The following CDKN2A variants were observed in gnomAD, a reference collection of about 807,000 sequenced individuals.
CDKN2A encodes cyclin dependent kinase inhibitor 2A, also known as cyclin-dependent kinase inhibitor 2A.
A neutral mutation model predicts 11.1 loss-of-function variants in CDKN2A; 3 were observed. That is an observed-to-expected ratio of 0.27 (90% CI 0.12 to 0.70). The LOEUF is 0.70. Ranked by LOEUF, CDKN2A falls within the 30% of genes least tolerant of loss-of-function variation. CDKN2A has a pLI of 0.77. For missense variants in CDKN2A, 265 were observed against 233.6 expected (o/e 1.13, Z -0.88); for synonymous variants, 122 against 108.1 (o/e 1.13, Z -0.80).
intron 1 of CDKN2A, among the ~76,000 whole-genome samples, chr9:21,973,636 A>G (rs915923513): frequency 1.3e-5 from 2 of 152,202 alleles, no homozygotes; most frequent in African/African-American, 4.8e-5. Context: ...GAGAGGAGAA[A>G]CACCTCTGTT....
rs745612549 is a variant in CDKN2A, at chr9:21,974,790, G to C, written c.38C>G (p.Ala13Gly). 6.2e-7 allele frequency: 1 copy of C among 1,607,460 alleles called. No individual in the cohort carries two copies. The highest frequency in any genetic ancestry group is 2.2e-5 in the East Asian group (1 of 44,838). The part of the protein sequence containing the change: ...PAAGSSMEPS[A>G]DWLATAAARG... ...GGCCGCGGCCGTGGCCAGCCAGTCA[G>C]CCGAAGGCTCCATGCTGCTCCCCGC... The change falls in exon 1 of 3, where the codon GCT (alanine) becomes GGT (glycine). Residue 13 changes from alanine to glycine, a missense_variant. Coordinates refer to ENST00000304494, the MANE Select transcript of CDKN2A (RefSeq NM_000077.5). This position sits in a 1 kb window ranked among gnomAD's most constrained non-coding sequence, Gnocchi z 5.2.
chr9:21,970,845 A>C (rs779444513), intron 2 of CDKN2A, 57 bp downstream of exon 2: 4 of 1,591,894 alleles, frequency 2.5e-6, no homozygotes, highest in Non-Finnish European at 3.4e-6. Flanking sequence ...CTGGAAAATG[A>C]ATGCTCTGAG....
rs200738474 is a variant in CDKN2A at position 21,974,681 on chromosome 9, G to T, written c.147C>A (p.Ile49=). Residue 49 remains isoleucine (I), a synonymous_variant, in exon 1 of 3, where the codon ATC becomes ATA. Coordinates refer to ENST00000304494, the MANE Select transcript of CDKN2A (RefSeq NM_000077.5). This position sits in a 1 kb window ranked among gnomAD's most constrained non-coding sequence, Gnocchi z 5.2. ...NAPNSYGRRP[I]QVMMMGSARV... is the part of the protein sequence containing the mutation. ...CCGCTGCAGACCCTCTACCCACCTG[G>T]ATCGGCCTCCGACCGTAACTATTCG... The T allele has an allele frequency of 4.8e-5, 77 of 1,613,900 alleles. No individual in the cohort carries two copies. Among genetic ancestry groups the T allele is most frequent in the Non-Finnish European group, 6.5e-5 (77 of 1,180,016 alleles).
At chr9:21,984,621 T>C (rs919860215) in intron 2 of CDKN2A, among the ~76,000 whole-genome samples, 54 of 152,164 alleles carry the variant, frequency 3.5e-4, no homozygotes, top group African/African-American at 1.3e-3. Context: ...TGAGATAATG[T>C]TGAAAGTCAC....
At chr9:21,994,695 C>A (rs2131150668) in intron 1 of CDKN2A, 1 of 272,472 alleles carries the variant, frequency 3.7e-6, no homozygotes, top group Non-Finnish European at 6.9e-6. Context: ...TGCGCCCCCA[C>A]CCCCACCACC....
At chr9:21,986,214 C>A (rs1177338706) in intron 2 of CDKN2A, among the ~76,000 whole-genome samples, 1 of 152,056 alleles carries the variant, frequency 6.6e-6, no homozygotes. Flanking sequence ...AATCTTTCAA[C>A]TGCACGCTTC....
intron 2 of CDKN2A, among the ~76,000 whole-genome samples, chr9:21,982,883 C>T (rs1213583366): frequency 6.6e-6 from 1 of 151,000 alleles, no homozygotes; most frequent in African/African-American, 2.4e-5. Context: ...AAAAAAAAAG[C>T]TCAGAGTGCT....
chr9:21,980,582 C>A (rs575400435), intron 2 of CDKN2A, among the ~76,000 whole-genome samples: 12 of 152,242 alleles, frequency 7.9e-5, no homozygotes, highest in African/African-American at 2.9e-4. Context: ...TAATATATGT[C>A]AGGCACTCGG....
chr9:21,987,396 AACACACACAC>A (rs375380204), intron 2 of CDKN2A, among the ~76,000 whole-genome samples: 3 of 89,906 alleles, frequency 3.3e-5, no homozygotes, highest in African/African-American at 8.6e-5. Context: ...CCCTTATTAC[AACACACACAC>A]ACACACACAC....
Position 21,968,126 on chromosome 9 carries a change from C to T in CDKN2A, c.*103G>A, listed in dbSNP as rs2131078669. On this transcript the variant is annotated 3_prime_UTR_variant, in exon 3 of 3. Transcript: ENST00000304494. The surrounding 1 kb of genome is among the most constrained non-coding windows in gnomAD (Gnocchi z 4.7). Reference sequence around the variant, plus strand: ...AGCTCTATTTTCTAAATGAAAACTACGAAAGCGGGGTGGGTTGTGGCGGGG... The same window carrying T: ...AGCTCTATTTTCTAAATGAAAACTATGAAAGCGGGGTGGGTTGTGGCGGGG... The T allele has an allele frequency of 1.0e-6, 1 of 1,002,324 alleles. No homozygotes were observed. Among genetic ancestry groups the T allele is most frequent in the Non-Finnish European group, 1.6e-6 (1 of 622,276 alleles). 62.1% of individuals were successfully genotyped at this position (1,002,324 alleles called of 1,614,324 possible).
At chr9:21,973,673 T>C in intron 1 of CDKN2A, among the ~76,000 whole-genome samples, 1 of 152,098 alleles carries the variant, frequency 6.6e-6, no homozygotes, top group East Asian at 1.9e-4. Flanking sequence ...AAAACTCTTA[T>C]CACAAATAAA....
chr9:21,994,652 C>G, intron 1 of CDKN2A: 1 of 374,830 alleles, frequency 2.7e-6, no homozygotes, highest in Non-Finnish European at 4.8e-6. Context: ...GCGTTCCTCT[C>G]CCTCCCGCCT....
intron 1 of CDKN2A, among the ~76,000 whole-genome samples, chr9:21,973,878 TTCTC>T (rs1563891776): frequency 6.6e-6 from 1 of 152,098 alleles, no homozygotes; most frequent in African/African-American, 2.4e-5. Flanking sequence ...TGAATAATTT[TTCTC>T]TCTCTCTTTC....
rs145445140 is a variant in CDKN2A, at chr9:21,974,802, A to G, written c.26T>C (p.Met9Thr). 2 of 1,604,394 alleles carry G rather than the reference A, an allele frequency of 1.2e-6. No homozygotes were observed. The highest frequency in any genetic ancestry group is 1.7e-6 in the Non-Finnish European group (2 of 1,178,314). Reference sequence around the variant, plus strand: ...GGCCAGCCAGTCAGCCGAAGGCTCCATGCTGCTCCCCGCCGCCGGCTCCAT... The same window carrying G: ...GGCCAGCCAGTCAGCCGAAGGCTCCGTGCTGCTCCCCGCCGCCGGCTCCAT... MEPAAGSS[M>T]EPSADWLATA... Residue 9 changes from methionine to threonine, a missense_variant, in exon 1 of 3, where the codon ATG (methionine) becomes ACG (threonine). By Grantham distance (81) the Met-to-Thr change is moderately conservative. Transcript: ENST00000304494. The surrounding 1 kb of genome is among the most constrained non-coding windows in gnomAD (Gnocchi z 5.2).
rs1362199225 is a variant in CDKN2A, at chr9:21,988,171, T to C, written c.-4+5711A>G. The stretch of plus-strand genomic sequence containing the variant: ...TAATTCTGAACCTCTATAAAACTTT[T>C]CTCTCTTAAAAAAATCCTACTGCCT... On this transcript the variant is annotated intron_variant, in intron 2 of 3. Transcript: ENST00000494262. This position sits in a 1 kb window ranked among gnomAD's most constrained non-coding sequence, Gnocchi z 4.1. 3.3e-5 allele frequency among the ~76,000 whole-genome samples: 5 copies of C among 151,934 alleles called. No individual in the cohort carries two copies. Among genetic ancestry groups the C allele is most frequent in the Admixed American group, 6.5e-5 (1 of 15,276 alleles).
chr9:21,985,070 TCATGTTTTAG>T (rs1174233062), intron 2 of CDKN2A, among the ~76,000 whole-genome samples: 8 of 152,010 alleles, frequency 5.3e-5, no homozygotes, highest in Non-Finnish European at 1.2e-4. Context: ...TGCTTCCTAT[TCATGTTTTAG>T]CACTTTTCAC....
In CDKN2A at chr9:21,974,589, G is replaced by A. The variant is rs1483950618; in HGVS notation, c.150+89C>T. On this transcript the variant is annotated intron_variant, in intron 1 of 2. Transcript: ENST00000304494. This position sits in a 1 kb window ranked among gnomAD's most constrained non-coding sequence, Gnocchi z 5.2. ...AAGCCTCCCCTTTTTCCGGAGAATCGAAGCGCTACCTGATTCCAATTCCCC... is the reference window on the plus strand; with the variant it reads ...AAGCCTCCCCTTTTTCCGGAGAATCAAAGCGCTACCTGATTCCAATTCCCC... The A allele has an allele frequency of 1.2e-6, 2 of 1,613,708 alleles. No individual in the cohort carries two copies. The highest frequency in any genetic ancestry group is 4.5e-5 in the East Asian group (2 of 44,866).
intron 2 of CDKN2A, chr9:21,990,069 TCCAGGGCCCTTGCACCC>T (rs931112625): frequency 1.4e-4 from 22 of 152,674 alleles, no homozygotes; most frequent in African/African-American, 4.6e-4. Flanking sequence ...CTCTTTCGGG[TCCAGGGCCCTTGCACCC>T]CCAGCGTGGC....
upstream of CDKN2A, among the ~76,000 whole-genome samples, chr9:21,978,287 AT>A (rs942792718): frequency 1.9e-4 from 29 of 152,150 alleles, no homozygotes; most frequent in African/African-American, 5.1e-4. Context: ...AATTAAAAAA[AT>A]ATTATGTAAA....
Sources: gnomAD v4.1 joint callset for allele counts (sites outside exome capture counted in the v4.1 genomes callset) on GRCh38, gnomAD v4.1.1 for gene constraint, Gnocchi (gnomAD v3.1) non-coding constraint, MANE v1.5 for transcripts, NCBI Gene and HGNC (gene_info 2026-07-23, HGNC 2026-07-21) for gene names.